Variants in KCNMA1 observed in about 807,000 individuals in gnomAD.
KCNMA1 encodes potassium calcium-activated channel subfamily M alpha 1.
A neutral mutation model predicts 140.0 loss-of-function variants in KCNMA1; 29 were observed. The ratio of observed to expected loss-of-function variants is 0.21; its 90% CI spans 0.15 to 0.28. The LOEUF (loss-of-function observed/expected upper bound fraction) is 0.28. KCNMA1 is among the 10% of genes least tolerant of loss of function. KCNMA1 has a pLI of 1.00. For missense variants in KCNMA1, 880 were observed against 1,602.2 expected (o/e 0.55, Z 7.70); for synonymous variants, 612 against 611.9 (o/e 1.00, Z 0.00).
intron 1 of KCNMA1, among the ~76,000 whole-genome samples, chr10:77,524,861 T>C (rs572193848): frequency 6.6e-6 from 1 of 152,048 alleles, no homozygotes; most frequent in South Asian, 2.1e-4. Flanking sequence ...GAGGAGGAAA[T>C]AATATGAGCC....
intron 14 of KCNMA1, among the ~76,000 whole-genome samples, chr10:77,070,720 C>G (rs1401104741): frequency 6.6e-6 from 1 of 152,124 alleles, no homozygotes; most frequent in Non-Finnish European, 1.5e-5. Context: ...TTTGTGATCC[C>G]TGGAATGGGA....
At chr10:77,161,093 C>A (rs1218781034) in intron 5 of KCNMA1, among the ~76,000 whole-genome samples, 1 of 152,172 alleles carries the variant, frequency 6.6e-6, no homozygotes, top group Non-Finnish European at 1.5e-5. Flanking sequence ...CATTGTCTGT[C>A]GGCTCCATGG....
At chr10:77,515,219 G>A (rs992724726) in intron 1 of KCNMA1, among the ~76,000 whole-genome samples, 7 of 152,152 alleles carry the variant, frequency 4.6e-5, no homozygotes, top group African/African-American at 1.2e-4. Context: ...GGATGGGGGG[G>A]AAAGGAGAGC....
chr10:77,002,825 G>A (rs1441941655), intron 18 of KCNMA1, among the ~76,000 whole-genome samples: 2 of 152,166 alleles, frequency 1.3e-5, no homozygotes, highest in African/African-American at 4.8e-5. Context: ...CACGAGGTGG[G>A]AGAAGAATTC....
intron 5 of KCNMA1, among the ~76,000 whole-genome samples, chr10:77,160,426 C>T (rs926817263): frequency 1.3e-5 from 2 of 152,194 alleles, no homozygotes; most frequent in Admixed American, 1.3e-4. Flanking sequence ...GCACATCTGC[C>T]TACTTTTAAC....
At chr10:76,899,582 C>CA (rs1197739035) in intron 25 of KCNMA1, among the ~76,000 whole-genome samples, 3 of 152,082 alleles carry the variant, frequency 2.0e-5, no homozygotes, top group Admixed American at 1.3e-4. Context: ...CTAACAAACT[C>CA]AGAGTTAAGT....
At chr10:76,941,018 G>GAAGGAAGAAAGAAAGAAAGAAAGA (rs1554960623) in intron 23 of KCNMA1, among the ~76,000 whole-genome samples, 49 of 38,238 alleles carry the variant, frequency 1.3e-3, no homozygotes, top group South Asian at 2.9e-3. Flanking sequence ...AGGAAGGAAG[G>GAAGGAAGAAAGAAAGAAAGAAAGA]AAGAAAGAAA....
intron 1 of KCNMA1, among the ~76,000 whole-genome samples, chr10:77,469,977 T>C (rs1178290859): frequency 6.6e-6 from 1 of 152,096 alleles, no homozygotes; most frequent in Non-Finnish European, 1.5e-5. Context: ...TTTAACTTTT[T>C]AATCAGCTAA....
At chr10:77,556,810 T>A (rs1435476743) in intron 1 of KCNMA1, among the ~76,000 whole-genome samples, 1 of 152,030 alleles carries the variant, frequency 6.6e-6, no homozygotes, top group Non-Finnish European at 1.5e-5. Flanking sequence ...CACCTGTGAG[T>A]CAAAAACACC....
intron 1 of KCNMA1, among the ~76,000 whole-genome samples, chr10:77,436,129 G>A (rs189508299): frequency 3.4e-4 from 51 of 152,182 alleles, no homozygotes; most frequent in Non-Finnish European, 5.9e-5. Context: ...GACCTGCTGG[G>A]GGAAGCTTGC....
At chr10:77,152,043 T>A (rs546661448) in intron 5 of KCNMA1, among the ~76,000 whole-genome samples, 41 of 152,284 alleles carry the variant, frequency 2.7e-4, no homozygotes, top group African/African-American at 9.9e-4. Context: ...GTATTGTGGT[T>A]AAGGGCAGAG....
chr10:77,243,441 G>A (rs531897583), intron 3 of KCNMA1, among the ~76,000 whole-genome samples: 1 of 152,268 alleles, frequency 6.6e-6, no homozygotes, highest in East Asian at 1.9e-4. Flanking sequence ...GTAACTAGTG[G>A]GCTAGTGGGT....
chr10:77,001,682 G>A (rs1593252811), intron 18 of KCNMA1, 102 bp from the exon 19 acceptor site: 1 of 913,020 alleles, frequency 1.1e-6, no homozygotes, highest in East Asian at 2.7e-5. Flanking sequence ...ATTTAACACA[G>A]GTCTTAGTTC....
chr10:77,122,944 C>T (rs190874506), intron 5 of KCNMA1, among the ~76,000 whole-genome samples: 118 of 151,766 alleles, frequency 7.8e-4, no homozygotes, highest in Admixed American at 6.8e-3. Context: ...TTTGGGAGGC[C>T]GAGGCGGGAG....
chr10:76,885,279 G>T lies in KCNMA1; in HGVS notation c.*1987C>A. On this transcript the variant is annotated 3_prime_UTR_variant, in exon 28 of 28. Coordinates refer to ENST00000286628, the MANE Select transcript of KCNMA1 (RefSeq NM_001161352.2). ...TATATATAGTTTATATAAAGAGATAGTTATACATAATATAAATCAATATAT... is the reference window on the plus strand; with the variant it reads ...TATATATAGTTTATATAAAGAGATATTTATACATAATATAAATCAATATAT... 1 of 629,212 alleles carries T rather than the reference G, an allele frequency of 1.6e-6. No individual in the cohort carries two copies. Among genetic ancestry groups the T allele is most frequent in the Non-Finnish European group, 2.0e-6 (1 of 506,826 alleles). 39.0% of individuals were successfully genotyped at this position (629,212 alleles called of 1,614,324 possible). A position where few individuals can be genotyped will look rare whatever the true frequency, so the allele number is the denominator to read the frequency against.
chr10:77,309,249 A>C (rs1260589475), intron 2 of KCNMA1, among the ~76,000 whole-genome samples: 1 of 152,240 alleles, frequency 6.6e-6, no homozygotes, highest in Admixed American at 6.5e-5. Context: ...ATACATGTAC[A>C]CACGAGCCCA....
Position 76,889,474 on chromosome 10 carries a change from G to T in KCNMA1, c.3438C>A (p.Ser1146Arg), listed in dbSNP as rs768980413. The T allele has an allele frequency of 6.2e-7, 1 of 1,612,758 alleles. No homozygotes were observed. Among genetic ancestry groups the T allele is most frequent in the Non-Finnish European group, 8.5e-7 (1 of 1,178,756 alleles). Residue 1146 changes from serine (S) to arginine (R), a missense_variant, in exon 27 of 28, where the codon AGC (serine) becomes AGA (arginine). By Grantham distance (110) the Ser-to-Arg change is moderately radical. This residue lies in a region of KCNMA1 where 115 missense variants were observed against 139.9 expected (regional missense o/e 0.82). Coordinates refer to ENST00000286628, the MANE Select transcript of KCNMA1 (RefSeq NM_001161352.2). Reference sequence around the variant, plus strand: ...ACCTCTTTGTGCACTGACTGGGGGTGCTGAGGTGAGCATCTCTCAGCCGGT... The same window carrying T: ...ACCTCTTTGTGCACTGACTGGGGGTTCTGAGGTGAGCATCTCTCAGCCGGT... ...GIYRLRDAHL[S>R]TPSQCTKRYV... is the part of the protein sequence containing the mutation.
rs556656812 is a variant in KCNMA1, at chr10:77,594,738, C to G, written c.378+42527G>C. Among the ~76,000 whole-genome samples, 7 of 152,338 alleles carry G rather than the reference C, an allele frequency of 4.6e-5. No homozygotes were observed. In the South Asian group the frequency reaches 1.5e-3, roughly 32 times the overall value. On this transcript the variant is annotated intron_variant, in intron 1 of 27. Coordinates refer to ENST00000286628, the MANE Select transcript of KCNMA1 (RefSeq NM_001161352.2). Reference sequence around the variant, plus strand: ...AACAATGGCGTATGGCTGGCCTTTCCCAGCCTCCCTCCAGTTAGATGGACT... The same window carrying G: ...AACAATGGCGTATGGCTGGCCTTTCGCAGCCTCCCTCCAGTTAGATGGACT...
chr10:77,579,121 C>A (rs1172948285), intron 1 of KCNMA1, among the ~76,000 whole-genome samples: 2 of 152,266 alleles, frequency 1.3e-5, no homozygotes, highest in Non-Finnish European at 2.9e-5. Context: ...AAGGGGATTT[C>A]TTCAAGGATG....
Sources: gnomAD v4.1 joint callset for allele counts (sites outside exome capture counted in the v4.1 genomes callset) on GRCh38, gnomAD v4.1.1 for gene constraint, gnomAD v4.1.1 regional missense constraint, MANE v1.5 for transcripts, NCBI Gene and HGNC (gene_info 2026-07-23, HGNC 2026-07-21) for gene names.